Variants in SLK observed in about 807,000 individuals in gnomAD.
SLK encodes STE20-like serine/threonine-protein kinase.
Under a neutral mutation model 147.7 loss-of-function variants are expected in SLK, and 67 were observed. That is an observed-to-expected ratio of 0.45 (90% CI 0.37 to 0.56). The LOEUF is 0.56. SLK is among the 20% of genes least tolerant of loss of function. The pLI is 0.00. For synonymous variants in SLK, 441 were observed against 475.0 expected (o/e 0.93, Z 0.93); for missense variants, 1,136 against 1,438.8 (o/e 0.79, Z 3.41).
At chr10:103,983,697 GTTTC>G (rs971180163) in intron 1 of SLK, among the ~76,000 whole-genome samples, 1 of 149,994 alleles carries the variant, frequency 6.7e-6, no homozygotes, top group Non-Finnish European at 1.5e-5. Flanking sequence ...AGCATCAGCA[GTTTC>G]TTTCTGTAGC....
chr10:103,991,234 A>G (rs1049781419), intron 2 of SLK, among the ~76,000 whole-genome samples: 5 of 152,130 alleles, frequency 3.3e-5, no homozygotes, highest in Non-Finnish European at 5.9e-5. Flanking sequence ...AAATCTTGTA[A>G]TAAACTGTAA....
At chr10:103,969,191 A>G (rs1033225906) in intron 1 of SLK, among the ~76,000 whole-genome samples, 2 of 150,760 alleles carry the variant, frequency 1.3e-5, no homozygotes, top group African/African-American at 2.4e-5. Context: ...CTGGTCTTGA[A>G]CTCCCGACCT....
chr10:104,000,015 A>G, intron 7 of SLK, 67 bp downstream of exon 7: 1 of 716,354 alleles, frequency 1.4e-6, no homozygotes, highest in Non-Finnish European at 2.3e-6. Context: ...TTTCATATTC[A>G]GTGTGCTTTC....
At chr10:103,976,417 G>A (rs2134447579) in intron 1 of SLK, among the ~76,000 whole-genome samples, 2 of 151,984 alleles carry the variant, frequency 1.3e-5, no homozygotes, top group East Asian at 3.9e-4. Flanking sequence ...ACTTACACTT[G>A]GTATTGTTAT....
chr10:104,018,371 A>G (rs10786782), intron 14 of SLK, 82 bp downstream of exon 14: 62,069 of 1,316,450 alleles, frequency 0.047, 3,228 homozygotes, highest in African/African-American at 0.24. Flanking sequence ...TATAACCCTT[A>G]AAATTTCTTC....
At chr10:104,023,903 T>G (rs1844565880) in intron 18 of SLK, among the ~76,000 whole-genome samples, 1 of 152,222 alleles carries the variant, frequency 6.6e-6, no homozygotes, top group African/African-American at 2.4e-5. Context: ...TGTTCAGTGT[T>G]GACTAAAGAG....
chr10:103,984,084 A>G (rs1397527723), intron 1 of SLK, among the ~76,000 whole-genome samples: 2 of 152,206 alleles, frequency 1.3e-5, no homozygotes, highest in African/African-American at 4.8e-5. Context: ...CTCTATTAAA[A>G]TAATCAATGT....
chr10:103,991,382 C>A (rs1226951368), intron 2 of SLK, among the ~76,000 whole-genome samples: 1 of 152,070 alleles, frequency 6.6e-6, no homozygotes, highest in Non-Finnish European at 1.5e-5. Context: ...ATAAAACTTT[C>A]ATATTCATTA....
At chr10:104,024,796 C>T (rs545309283) in intron 18 of SLK, among the ~76,000 whole-genome samples, 45 of 152,262 alleles carry the variant, frequency 3.0e-4, no homozygotes, top group Admixed American at 1.6e-3. Context: ...GGTGCCAACA[C>T]GGTCACGCTT....
At chr10:104,010,738 G>A in intron 12 of SLK, 78 bp from the exon 13 acceptor site, 2 of 856,024 alleles carry the variant, frequency 2.3e-6, no homozygotes, top group Non-Finnish European at 3.4e-6. Context: ...TATTTGACTT[G>A]TAGCTTATCT....
chr10:104,014,889 G>A (rs1357689999), intron 13 of SLK, among the ~76,000 whole-genome samples: 1 of 151,538 alleles, frequency 6.6e-6, no homozygotes, highest in African/African-American at 2.4e-5. Context: ...GTTAATCCAA[G>A]TGATTAAGTT....
chr10:103,967,885 A>G lies in SLK; in HGVS notation c.140A>G (p.Lys47Arg). 6.3e-7 allele frequency: 1 copy of G among 1,587,368 alleles called. No homozygotes were observed. The highest frequency in any genetic ancestry group is 8.6e-7 in the Non-Finnish European group (1 of 1,166,232). The change falls in exon 1 of 19, where the codon AAA becomes AGA. Residue 47 changes from lysine (K) to arginine (R), a missense_variant. Physicochemically the swap from Lys to Arg is conservative, Grantham distance 26. This residue lies in a region of SLK where 126 missense variants were observed against 141.3 expected (regional missense o/e 0.89). Transcript: ENST00000369755. ...GAACTGGGCGACGGAGCCTTTGGGAAAGTGTACAAGGTAAGAGGGGGAAAA... is the reference window on the plus strand; with the variant it reads ...GAACTGGGCGACGGAGCCTTTGGGAGAGTGTACAAGGTAAGAGGGGGAAAA... ...IGELGDGAFG[K>R]VYKAQNKETS...
chr10:103,987,149 T>C (rs1844028895), intron 1 of SLK, among the ~76,000 whole-genome samples: 1 of 152,232 alleles, frequency 6.6e-6, no homozygotes. Flanking sequence ...AATCATGTTA[T>C]TTTCAAGCAA....
intron 18 of SLK, among the ~76,000 whole-genome samples, chr10:104,022,642 C>G (rs1317509871): frequency 6.6e-6 from 1 of 152,092 alleles, no homozygotes; most frequent in Non-Finnish European, 1.5e-5. Flanking sequence ...GAGTCTCACT[C>G]TGTCGCCCAG....
chr10:104,008,358 TA>T lies in SLK; in HGVS notation c.2784+4del. 1 of 1,602,750 alleles carries T rather than the reference TA, an allele frequency of 6.2e-7. No homozygotes were observed. On this transcript the variant is annotated splice_donor_region_variant and intron_variant, in intron 12 of 18. Transcript: ENST00000369755. ...ATGCTGAAGAACCGAAAGAAGGAGG[TA>T]AGTGTAAACTACTGTTTTTAATTAC...
intron 13 of SLK, among the ~76,000 whole-genome samples, chr10:104,013,871 A>G (rs1039332379): frequency 1.3e-5 from 2 of 152,234 alleles, no homozygotes. Context: ...AGTATTCTTC[A>G]GAGTTTTCAC....
chr10:103,988,302 C>G (rs1461746087), intron 1 of SLK, among the ~76,000 whole-genome samples: 2 of 152,132 alleles, frequency 1.3e-5, no homozygotes, highest in Non-Finnish European at 2.9e-5. Flanking sequence ...TTTCAAGTGC[C>G]TTTCAAACTC....
Position 104,021,634 on chromosome 10 carries a change from C to T in SLK, c.3462C>T (p.His1154=). Residue 1154 remains histidine, a synonymous_variant, in exon 18 of 19, where the codon CAC becomes CAT. Coordinates refer to ENST00000369755, the MANE Select transcript of SLK (RefSeq NM_014720.4). ...TTTATTTTCAGAATGAAAAATGCCA[C>T]TTGTTGGTTGAGCATGAGACTCAGA... ...ELHQLQNEKC[H]LLVEHETQKL... 6.3e-7 allele frequency: 1 copy of T among 1,597,710 alleles called. No homozygotes were observed.
At position 104,005,699 on chromosome 10, in the gene SLK, G is replaced by C. The variant is rs1844315561; in HGVS notation, c.2480+8G>C. 6.2e-7 allele frequency: 1 copy of C among 1,606,192 alleles called. No individual in the cohort carries two copies. Among genetic ancestry groups the C allele is most frequent in the African/African-American group, 1.3e-5 (1 of 74,672 alleles). ...AGAATTGCGGTTTCTTAGGTGAGTA[G>C]AGAAACAACGTAATTAAAACTGGTT... On this transcript the variant is annotated splice_region_variant and intron_variant, in intron 10 of 18. Transcript: ENST00000369755.
Sources: allele counts gnomAD v4.1 joint callset (sites outside exome capture counted in the v4.1 genomes callset), GRCh38; gene constraint gnomAD v4.1.1; regional missense constraint gnomAD v4.1.1; transcripts MANE v1.5; gene names NCBI Gene and HGNC (gene_info 2026-07-23, HGNC 2026-07-21).